Variants in CDC42BPA observed in about 807,000 individuals in gnomAD.
CDC42BPA encodes CDC42 binding protein kinase alpha.
In CDC42BPA, 80 loss-of-function variants were observed where a neutral mutation model predicts 223.5. That is an observed-to-expected ratio of 0.36 (90% CI 0.30 to 0.43). The LOEUF (loss-of-function observed/expected upper bound fraction) is 0.43, where lower values mean the gene tolerates loss of function less well. Among genes scored for constraint, CDC42BPA ranks in the 20% least tolerant of loss-of-function variants. The pLI is 1.00. For synonymous variants in CDC42BPA, 694 were observed against 718.6 expected (o/e 0.97, Z 0.55); for missense variants, 1,743 against 2,099.9 (o/e 0.83, Z 3.32).
chr1:227,161,313 T>G (rs1264493848), intron 5 of CDC42BPA, among the ~76,000 whole-genome samples: 3 of 152,202 alleles, frequency 2.0e-5, no homozygotes, highest in East Asian at 1.9e-4. Context: ...GTAAAGAAGA[T>G]TCTCAGGGAC....
chr1:227,273,148 A>G (rs1463688774), intron 1 of CDC42BPA, among the ~76,000 whole-genome samples: 1 of 152,206 alleles, frequency 6.6e-6, no homozygotes, highest in Non-Finnish European at 1.5e-5. Flanking sequence ...AAATACAAAA[A>G]TTAGCCAGGC....
intron 2 of CDC42BPA, among the ~76,000 whole-genome samples, chr1:227,243,989 CCACT>C (rs768737274): frequency 1.1e-4 from 17 of 151,238 alleles, no homozygotes; most frequent in Non-Finnish European, 1.6e-4. Context: ...CACAATACGG[CCACT>C]CACTCACCAA....
intron 35 of CDC42BPA, chr1:227,004,668 T>C (rs1278348305): frequency 9.0e-6 from 3 of 332,558 alleles, no homozygotes; most frequent in East Asian, 6.2e-5. Context: ...TTCTGCCAAG[T>C]AGGGATTCAT....
At chr1:227,117,532 C>T (rs896641565) in intron 12 of CDC42BPA, among the ~76,000 whole-genome samples, 25 of 152,018 alleles carry the variant, frequency 1.6e-4, no homozygotes, top group African/African-American at 5.8e-4. Flanking sequence ...CTAGGCTGGT[C>T]TCAAACTCCT....
At chr1:227,288,301 GGA>G (rs1689121723) in intron 1 of CDC42BPA, among the ~76,000 whole-genome samples, 2 of 152,178 alleles carry the variant, frequency 1.3e-5, no homozygotes, top group Admixed American at 1.3e-4. Flanking sequence ...CTTGAGCCCA[GGA>G]GGTCTAAGCT....
At chr1:227,075,154 T>C (rs1184825986) in intron 17 of CDC42BPA, among the ~76,000 whole-genome samples, 2 of 152,186 alleles carry the variant, frequency 1.3e-5, no homozygotes, top group Admixed American at 1.3e-4. Context: ...AAAGCCATAC[T>C]GCACAAACAA....
chr1:227,196,717 G>A (rs1370583801), intron 4 of CDC42BPA, among the ~76,000 whole-genome samples: 1 of 152,092 alleles, frequency 6.6e-6, no homozygotes. Flanking sequence ...AAAGAATTTA[G>A]AGTTCATATG....
chr1:227,034,861 ATGTAAT>A, intron 25 of CDC42BPA, 67 bp from the exon 26 acceptor site: 1 of 1,401,476 alleles, frequency 7.1e-7, no homozygotes, highest in Non-Finnish European at 9.8e-7. Context: ...TAAATTACAT[ATGTAAT>A]TGCATGGTGA....
At chr1:227,043,203 C>T (rs1272243967) in intron 23 of CDC42BPA, among the ~76,000 whole-genome samples, 2 of 152,066 alleles carry the variant, frequency 1.3e-5, no homozygotes, top group Middle Eastern at 3.4e-3. Flanking sequence ...TCACGAGGTC[C>T]AGAGATCGAG....
intron 4 of CDC42BPA, among the ~76,000 whole-genome samples, chr1:227,197,193 A>G (rs1322844512): frequency 6.6e-6 from 1 of 152,198 alleles, no homozygotes; most frequent in African/African-American, 2.4e-5. Flanking sequence ...ATCAGGGTTA[A>G]AAGTTACTTT....
chr1:227,004,566 C>T (rs1018762018), intron 35 of CDC42BPA: 1 of 192,136 alleles, frequency 5.2e-6, no homozygotes, highest in Non-Finnish European at 1.1e-5. Flanking sequence ...GTTACTTCCT[C>T]ACCACTACCA....
At chr1:227,148,772 CAAAAAAAAAAAAA>C (rs57635319) in intron 6 of CDC42BPA, among the ~76,000 whole-genome samples, 2 of 78,786 alleles carry the variant, frequency 2.5e-5, no homozygotes, top group African/African-American at 5.6e-5. Flanking sequence ...GTCTCAAAAG[CAAAAAAAAAAAAA>C]AAAAAAAAAA....
chr1:227,248,965 C>A (rs73096353), intron 2 of CDC42BPA, among the ~76,000 whole-genome samples: 22,818 of 151,946 alleles, frequency 0.15, 2,079 homozygotes, highest in African/African-American at 0.24. Flanking sequence ...TACAAAAGAC[C>A]CAGAATAGCC....
chr1:227,100,777 T>TGTGTGTGTGTGTGTGTGTGTGC (rs777124731), intron 15 of CDC42BPA, among the ~76,000 whole-genome samples: 9 of 128,508 alleles, frequency 7.0e-5, no homozygotes, highest in African/African-American at 1.7e-4. Flanking sequence ...TGTGTGTGTG[T>TGTGTGTGTGTGTGTGTGTGTGC]GCGTGTGCCA....
chr1:227,147,530 T>G lies in CDC42BPA; in HGVS notation c.723A>C (p.Pro241=), dbSNP rs1660903402. Residue 241 remains proline, a synonymous_variant, in exon 7 of 37, where the codon CCA becomes CCC. Transcript: ENST00000366766. Reference sequence around the variant, plus strand: ...GAAGGATTTCAGGAGAGATATAATCTGGAGTTCCTACAGCCACTGAGGACT... The same window carrying G: ...GAAGGATTTCAGGAGAGATATAATCGGGAGTTCCTACAGCCACTGAGGACT... ...TVQSSVAVGT[P]DYISPEILQA... is the part of the protein sequence containing the mutation. The G allele has an allele frequency of 6.2e-7, 1 of 1,609,936 alleles. No homozygotes were observed. The highest frequency in any genetic ancestry group is 1.3e-5 in the African/African-American group (1 of 74,894).
At chr1:227,309,213 A>T (rs1321958312) in intron 1 of CDC42BPA, among the ~76,000 whole-genome samples, 2 of 151,902 alleles carry the variant, frequency 1.3e-5, no homozygotes, top group African/African-American at 2.4e-5. Context: ...CAAAAAAAAA[A>T]AAAAAAAAAT....
chr1:227,304,384 C>A (rs1692197303), intron 1 of CDC42BPA, among the ~76,000 whole-genome samples: 2 of 146,602 alleles, frequency 1.4e-5, no homozygotes, highest in East Asian at 2.0e-4. Context: ...CCAGCCTGGG[C>A]AACAAAGCAA....
chr1:227,311,659 A>G (rs7552957), intron 1 of CDC42BPA, among the ~76,000 whole-genome samples: 46,719 of 151,912 alleles, frequency 0.31, 7,365 homozygotes, highest in East Asian at 0.37. Flanking sequence ...AACCATTGAA[A>G]GAAATACAAG....
chr1:227,150,875 A>C (rs2149716975), intron 6 of CDC42BPA, among the ~76,000 whole-genome samples: 1 of 151,778 alleles, frequency 6.6e-6, no homozygotes, highest in Non-Finnish European at 1.5e-5. Flanking sequence ...AAAAGAAAAA[A>C]AAAAAGAAGT....
Sources: gnomAD v4.1 joint callset for allele counts (sites outside exome capture counted in the v4.1 genomes callset) on GRCh38, gnomAD v4.1.1 for gene constraint, MANE v1.5 for transcripts, NCBI Gene and HGNC (gene_info 2026-07-23, HGNC 2026-07-21) for gene names.